The following SYNE2 variants were observed in gnomAD, a reference collection of about 807,000 sequenced individuals.
The protein encoded by SYNE2 is nesprin-2.
A neutral mutation model predicts 856.3 loss-of-function variants in SYNE2; 431 were observed. The observed-to-expected ratio is 0.50, with a 90% confidence interval of 0.47 to 0.55. The LOEUF is 0.55. Ranked by LOEUF, SYNE2 falls within the 20% of genes least tolerant of loss-of-function variation. SYNE2 has a pLI of 0.00. For synonymous variants in SYNE2, 2,923 were observed against 2,872.3 expected (o/e 1.02, Z -0.56); for missense variants, 8,129 against 8,023.2 (o/e 1.01, Z -0.50).
At chr14:63,867,620 C>T (rs140388071) in intron 1 of SYNE2, among the ~76,000 whole-genome samples, 4,159 of 152,180 alleles carry the variant, frequency 0.027, 190 homozygotes, top group African/African-American at 0.095. Context: ...ATCGCTTGAA[C>T]CCAGGAGGTG....
At chr14:63,967,353 A>G (rs2096407841) in intron 10 of SYNE2, among the ~76,000 whole-genome samples, 1 of 152,238 alleles carries the variant, frequency 6.6e-6, no homozygotes, top group African/African-American at 2.4e-5. Context: ...TATAATTTTC[A>G]CATTCATTCA....
chr14:64,145,280 G>A (rs2153696173), intron 83 of SYNE2, among the ~76,000 whole-genome samples: 1 of 151,812 alleles, frequency 6.6e-6, no homozygotes, highest in East Asian at 2.0e-4. Flanking sequence ...GCTTATGCCT[G>A]TAATCCCAGC....
chr14:63,840,006 C>G (rs1174889653), intron 1 of SYNE2, among the ~76,000 whole-genome samples: 1 of 152,216 alleles, frequency 6.6e-6, no homozygotes, highest in African/African-American at 2.4e-5. Context: ...CGGTGGCTCA[C>G]GCCTATAATC....
intron 6 of SYNE2, among the ~76,000 whole-genome samples, chr14:63,946,103 A>G (rs138710656): frequency 1.3e-5 from 2 of 152,208 alleles, no homozygotes; most frequent in African/African-American, 2.4e-5. Context: ...CCTTGATGTT[A>G]TGTGTAATGA....
At chr14:64,221,770 T>G (rs1418566800) in intron 112 of SYNE2, 66 bp downstream of exon 112, 2 of 1,573,228 alleles carry the variant, frequency 1.3e-6, no homozygotes, top group Admixed American at 1.7e-5. Flanking sequence ...GGCAGCACAC[T>G]CAGGTAGCCT....
At chr14:63,817,232 G>T (rs1030617942) in intron 1 of SYNE2, among the ~76,000 whole-genome samples, 7 of 152,138 alleles carry the variant, frequency 4.6e-5, no homozygotes, top group Admixed American at 2.0e-4. Flanking sequence ...GTCCGAGGCA[G>T]GTGGATTGCT....
At chr14:63,818,344 CAAAAAAAAAAA>C (rs34448523) in intron 1 of SYNE2, among the ~76,000 whole-genome samples, 1 of 86,564 alleles carries the variant, frequency 1.2e-5, no homozygotes, top group Non-Finnish European at 2.2e-5. Context: ...GACTCCGTCT[CAAAAAAAAAAA>C]AAAAAAAAAA....
chr14:64,030,080 A>G (rs754557529), intron 44 of SYNE2, 21 bp downstream of exon 44: 1 of 1,612,650 alleles, frequency 6.2e-7, no homozygotes, highest in Non-Finnish European at 8.5e-7. Flanking sequence ...GTGTCCAGAC[A>G]TGATAGACAT....
chr14:63,927,454 G>A (rs1376752798), intron 2 of SYNE2, among the ~76,000 whole-genome samples: 4 of 152,182 alleles, frequency 2.6e-5, no homozygotes, highest in Non-Finnish European at 5.9e-5. Context: ...TGTTGTGGGA[G>A]GGACCCAGTG....
intron 45 of SYNE2, among the ~76,000 whole-genome samples, chr14:64,035,141 TTC>T (rs1264772483): frequency 6.6e-6 from 1 of 151,996 alleles, no homozygotes; most frequent in Admixed American, 6.6e-5. Context: ...TTTCAGAAGT[TTC>T]TGAGCATTTC....
chr14:64,120,829 C>T, intron 67 of SYNE2, 98 bp from the exon 68 acceptor site: 1 of 1,234,872 alleles, frequency 8.1e-7, no homozygotes, highest in Non-Finnish European at 1.2e-6. Context: ...TCATTTATTT[C>T]ATGTAAAATT....
intron 92 of SYNE2, among the ~76,000 whole-genome samples, chr14:64,168,194 C>T (rs545360838): frequency 1.3e-5 from 2 of 152,284 alleles, no homozygotes; most frequent in South Asian, 2.1e-4. Flanking sequence ...ACTTCCACCC[C>T]CCAGGCTCAA....
intron 16 of SYNE2, among the ~76,000 whole-genome samples, chr14:63,981,881 C>T (rs1482539638): frequency 6.6e-6 from 1 of 152,042 alleles, no homozygotes; most frequent in African/African-American, 2.4e-5. Context: ...CAAAAAAGAG[C>T]ATTTTACGGG....
Position 64,113,428 on chromosome 14 carries a change from G to A in SYNE2, c.12697G>A (p.Glu4233Lys). Residue 4233 changes from glutamate (E) to lysine (K), a missense_variant, in exon 66 of 116, where the codon GAG becomes AAG. By Grantham distance (56) the Glu-to-Lys change is moderately conservative (BLOSUM62 1). Coordinates refer to ENST00000555002, the MANE Select transcript of SYNE2 (RefSeq NM_182914.3). ...LEPRVEKTRP[E>K]PTEVLHACKT... ...GCCCAGGGTGGAGAAAACTAGGCCG[G>A]AGCCCACAGAAGTCCTGCATGCCTG... 6.2e-7 allele frequency: 1 copy of A among 1,614,202 alleles called. No homozygotes were observed. Among genetic ancestry groups the A allele is most frequent in the Non-Finnish European group, 8.5e-7 (1 of 1,180,042 alleles).
At chr14:64,057,501 C>T (rs1032291843) in intron 49 of SYNE2, among the ~76,000 whole-genome samples, 10 of 152,026 alleles carry the variant, frequency 6.6e-5, no homozygotes, top group Non-Finnish European at 7.4e-5. Flanking sequence ...GTATATACCA[C>T]ATTTTCTTCA....
At chr14:63,868,339 G>A (rs900569392) in intron 1 of SYNE2, among the ~76,000 whole-genome samples, 3 of 152,106 alleles carry the variant, frequency 2.0e-5, no homozygotes, top group African/African-American at 7.2e-5. Flanking sequence ...GCCAGGCGTG[G>A]TGGTGCACAC....
rs1337131445 is a variant in SYNE2, at chr14:64,225,598, A to C, written c.*72A>C. On this transcript the variant is annotated 3_prime_UTR_variant, in exon 116 of 116. Transcript: ENST00000555002. Reference sequence around the variant, plus strand: ...GGTGCCCAGCACGTGGCCCCAGACCAATCTGAGTGACTTAGTGTTGGCAAG... The same window carrying C: ...GGTGCCCAGCACGTGGCCCCAGACCCATCTGAGTGACTTAGTGTTGGCAAG... The C allele has an allele frequency of 1.3e-6, 2 of 1,505,922 alleles. No homozygotes were observed. The highest frequency in any genetic ancestry group is 1.8e-6 in the Non-Finnish European group (2 of 1,093,904). The allele number at this position is 1,505,922 out of a possible 1,614,324, so 93.3% of individuals were successfully genotyped here.
intron 57 of SYNE2, among the ~76,000 whole-genome samples, chr14:64,083,667 G>C (rs1166991308): frequency 2.0e-5 from 3 of 152,156 alleles, no homozygotes; most frequent in Non-Finnish European, 4.4e-5. Context: ...ATCCTCATTT[G>C]TGCAATAATC....
intron 8 of SYNE2, 122 bp downstream of exon 8, chr14:63,955,037 T>G (rs2096223139): frequency 2.5e-6 from 2 of 800,224 alleles, no homozygotes; most frequent in Admixed American, 2.2e-5. Flanking sequence ...GGGTTTAACT[T>G]AAGCTCTTTA....
Sources: allele counts gnomAD v4.1 joint callset (sites outside exome capture counted in the v4.1 genomes callset), GRCh38; gene constraint gnomAD v4.1.1; transcripts MANE v1.5; gene names NCBI Gene and HGNC (gene_info 2026-07-23, HGNC 2026-07-21).